Variants in FANCL observed in about 807,000 individuals in gnomAD.
FANCL encodes the protein E3 ubiquitin-protein ligase FANCL.
Under a neutral mutation model 59.4 loss-of-function variants are expected in FANCL, and 69 were observed. The ratio of observed to expected loss-of-function variants is 1.16; its 90% confidence interval spans 0.96 to 1.42. FANCL has a LOEUF of 1.42. Ranked by LOEUF, FANCL falls within the 40% of genes most tolerant of loss-of-function variation. The pLI is 0.00. For missense variants in FANCL, 519 were observed against 447.2 expected, an observed-to-expected ratio of 1.16 and a Z score of -1.45; for synonymous variants, 180 against 147.1, an observed-to-expected ratio of 1.22 and a Z score of -1.62.
chr2:58,167,758 C>T (rs1175973006), intron 7 of FANCL, among the ~76,000 whole-genome samples: 1 of 152,098 alleles, frequency 6.6e-6, no homozygotes, highest in Non-Finnish European at 1.5e-5. Context: ...GAGGTAGATA[C>T]ATTAAACATT....
chr2:58,163,455 A>G lies in FANCL; in HGVS notation c.754T>C (p.Phe252Leu), dbSNP rs780414432. Residue 252 changes from phenylalanine to leucine, a missense_variant, in exon 9 of 14, where the codon TTC becomes CTC. Coordinates refer to ENST00000233741, the MANE Select transcript of FANCL (RefSeq NM_018062.4). ...ATACCATGGTCAGCTCCAAGAAAGA[A>G]GCACTCAGGAAGCATAGTAGGATGC... ...PRHPTMLPEC[F>L]FLGADHVVKP... The G allele has an allele frequency of 6.2e-7, 1 of 1,610,648 alleles. No individual in the cohort carries two copies. Among genetic ancestry groups the G allele is most frequent in the Non-Finnish European group, 8.5e-7 (1 of 1,177,024 alleles).
chr2:58,200,909 T>C (rs1441093999), intron 6 of FANCL, among the ~76,000 whole-genome samples: 4 of 151,722 alleles, frequency 2.6e-5, no homozygotes. Context: ...CTTTACTTCA[T>C]ATCTGAGTTA....
At chr2:58,238,254 A>G (rs1213432712) in intron 1 of FANCL, among the ~76,000 whole-genome samples, 2 of 152,224 alleles carry the variant, frequency 1.3e-5, no homozygotes, top group Non-Finnish European at 2.9e-5. Context: ...AGGGAAGCCA[A>G]AAGATTGGAC....
intron 7 of FANCL, among the ~76,000 whole-genome samples, chr2:58,197,146 T>C (rs1271921399): frequency 3.3e-5 from 5 of 151,160 alleles, no homozygotes; most frequent in Admixed American, 1.3e-4. Context: ...TGTGGGGAGA[T>C]TGGGACTTTA....
chr2:58,190,966 T>C (rs1406150449), intron 7 of FANCL, among the ~76,000 whole-genome samples: 3 of 151,890 alleles, frequency 2.0e-5, no homozygotes, highest in African/African-American at 7.2e-5. Context: ...TTAACACTTT[T>C]TGTCACTGAA....
chr2:58,180,656 T>C (rs1054085996), intron 7 of FANCL, among the ~76,000 whole-genome samples: 1 of 152,036 alleles, frequency 6.6e-6, no homozygotes, highest in African/African-American at 2.4e-5. Context: ...TGTATACCTA[T>C]GTAACAAACC....
At chr2:58,190,816 T>C (rs1558774076) in intron 7 of FANCL, among the ~76,000 whole-genome samples, 1 of 152,018 alleles carries the variant, frequency 6.6e-6, no homozygotes, top group South Asian at 2.1e-4. Context: ...ACTCCAATAT[T>C]TTCCAATTCT....
chr2:58,163,000 AG>A (rs768342310), intron 10 of FANCL, 28 bp downstream of exon 10: 5 of 1,612,736 alleles, frequency 3.1e-6, no homozygotes, highest in Non-Finnish European at 4.2e-6. Context: ...ATCACCAAAA[AG>A]TAAAAATTAT....
At chr2:58,171,173 T>C (rs1686565937) in intron 7 of FANCL, among the ~76,000 whole-genome samples, 2 of 152,118 alleles carry the variant, frequency 1.3e-5, no homozygotes, top group Admixed American at 6.6e-5. Flanking sequence ...CAATAAAATC[T>C]CTCAAACCAC....
At chr2:58,226,931 T>C in intron 3 of FANCL, 147 bp from the exon 4 acceptor site, 1 of 690,346 alleles carries the variant, frequency 1.4e-6, no homozygotes, top group Non-Finnish European at 2.5e-6. Context: ...GTATCGGTCA[T>C]CAACTTTACT....
chr2:58,182,894 G>C (rs1259339362), intron 7 of FANCL, among the ~76,000 whole-genome samples: 1 of 151,566 alleles, frequency 6.6e-6, no homozygotes, highest in Admixed American at 6.6e-5. Context: ...CTCATCCCTA[G>C]CTCTACCACT....
intron 7 of FANCL, among the ~76,000 whole-genome samples, chr2:58,174,285 G>A (rs1332652419): frequency 6.6e-6 from 1 of 152,126 alleles, no homozygotes; most frequent in African/African-American, 2.4e-5. Context: ...GCACCAAGCA[G>A]ACCTAATAGA....
intron 7 of FANCL, among the ~76,000 whole-genome samples, chr2:58,168,365 C>G (rs1183980315): frequency 6.6e-6 from 1 of 152,162 alleles, no homozygotes; most frequent in Non-Finnish European, 1.5e-5. Context: ...GCTCCCTCCC[C>G]TAGCCAAGGG....
intron 1 of FANCL, 51 bp from the exon 2 acceptor site, chr2:58,232,163 G>T: frequency 7.0e-7 from 1 of 1,420,682 alleles, no homozygotes; most frequent in Non-Finnish European, 9.9e-7. Context: ...TTCACTTAAT[G>T]CTGAGAAGTT....
intron 11 of FANCL, among the ~76,000 whole-genome samples, chr2:58,162,078 T>C (rs762055361): frequency 6.6e-6 from 1 of 151,944 alleles, no homozygotes; most frequent in Non-Finnish European, 1.5e-5. Flanking sequence ...TCCCATATCA[T>C]ACATTGTTAT....
At chr2:58,193,946 A>C (rs1312833254) in intron 7 of FANCL, among the ~76,000 whole-genome samples, 1 of 152,170 alleles carries the variant, frequency 6.6e-6, no homozygotes, top group African/African-American at 2.4e-5. Context: ...AACTTAGAAT[A>C]CCCAAATGCT....
chr2:58,183,754 C>G (rs1399511070), intron 7 of FANCL, among the ~76,000 whole-genome samples: 1 of 151,904 alleles, frequency 6.6e-6, no homozygotes, highest in Non-Finnish European at 1.5e-5. Flanking sequence ...CCCATCCTTT[C>G]ATTTCCTGAT....
intron 7 of FANCL, among the ~76,000 whole-genome samples, chr2:58,174,688 A>C (rs1256259667): frequency 6.6e-6 from 1 of 152,226 alleles, no homozygotes. Flanking sequence ...AGAAAGCAGC[A>C]AAGATCCAAA....
intron 3 of FANCL, among the ~76,000 whole-genome samples, chr2:58,228,442 T>C (rs1487245569): frequency 6.6e-6 from 1 of 152,186 alleles, no homozygotes; most frequent in East Asian, 1.9e-4. Flanking sequence ...TTACAGATGA[T>C]CAATAAATGA....
Sources: gnomAD v4.1 joint callset for allele counts (sites outside exome capture counted in the v4.1 genomes callset) on GRCh38, gnomAD v4.1.1 for gene constraint, MANE v1.5 for transcripts, NCBI Gene and HGNC (gene_info 2026-07-23, HGNC 2026-07-21) for gene names.